Variants in ARHGAP10 observed in about 807,000 individuals in gnomAD.
The protein encoded by ARHGAP10 is rho GTPase-activating protein 10.
Under a neutral mutation model 108.6 loss-of-function variants are expected in ARHGAP10, and 87 were observed. That is an observed-to-expected ratio of 0.80 (90% CI 0.67 to 0.96). The LOEUF is 0.96. ARHGAP10 is among the 40% of genes least tolerant of loss of function. ARHGAP10 has a pLI of 0.00. For missense variants in ARHGAP10, 939 were observed against 954.5 expected (o/e 0.98, Z 0.21); for synonymous variants, 347 against 341.1 (o/e 1.02, Z -0.19).
chr4:147,820,783 GT>G (rs1185788339), intron 1 of ARHGAP10, among the ~76,000 whole-genome samples: 1 of 151,708 alleles, frequency 6.6e-6, no homozygotes, highest in African/African-American at 2.4e-5. Context: ...TAGAGATAGG[GT>G]TTCACCATGT....
intron 18 of ARHGAP10, among the ~76,000 whole-genome samples, chr4:148,019,746 C>G (rs1175038606): frequency 1.3e-5 from 2 of 150,506 alleles, no homozygotes; most frequent in Non-Finnish European, 3.0e-5. Context: ...GCCTGGGTGA[C>G]AGAGTGAGAC....
Position 148,046,146 on chromosome 4 carries a change from C to G in ARHGAP10, c.1868-746C>G, listed in dbSNP as rs192483137. On this transcript the variant is annotated intron_variant, in intron 19 of 22. Transcript: ENST00000336498. ...GAAGACCAATAGAGGGAAATAACTG[C>G]TCTTGTGAGCTCTCTTGTCCGTCTT... is the stretch of plus-strand genomic sequence containing the variant. 7.9e-5 allele frequency among the ~76,000 whole-genome samples: 12 copies of G among 152,322 alleles called. No homozygotes were observed. The East Asian group carries it at 2.1e-3, about 27-fold the overall frequency.
chr4:147,770,361 C>T (rs536748044), intron 1 of ARHGAP10, among the ~76,000 whole-genome samples: 16 of 152,232 alleles, frequency 1.1e-4, no homozygotes, highest in African/African-American at 3.9e-4. Flanking sequence ...CCTGTCTCTA[C>T]TAAAAATGGA....
chr4:147,934,535 C>T (rs557879293), intron 13 of ARHGAP10, among the ~76,000 whole-genome samples: 2 of 152,182 alleles, frequency 1.3e-5, no homozygotes, highest in Admixed American at 6.5e-5. Context: ...AGATTGTGGA[C>T]TTGTTTTAAG....
intron 18 of ARHGAP10, among the ~76,000 whole-genome samples, chr4:147,987,713 C>A (rs1226093346): frequency 6.6e-6 from 1 of 152,196 alleles, no homozygotes; most frequent in African/African-American, 2.4e-5. Flanking sequence ...TGTCTCTGGG[C>A]TTTGGGGCTG....
intron 8 of ARHGAP10, among the ~76,000 whole-genome samples, chr4:147,877,384 G>C (rs1183963291): frequency 6.6e-6 from 1 of 152,036 alleles, no homozygotes; most frequent in Non-Finnish European, 1.5e-5. Flanking sequence ...TAGTGGTCTG[G>C]TAACCCTTTT....
chr4:147,814,362 G>A (rs1227748889), intron 1 of ARHGAP10, among the ~76,000 whole-genome samples: 1 of 152,056 alleles, frequency 6.6e-6, no homozygotes, highest in African/African-American at 2.4e-5. Context: ...GAGAAATGAG[G>A]GAGTTATACA....
At chr4:147,745,732 C>A (rs897237529) in intron 1 of ARHGAP10, among the ~76,000 whole-genome samples, 2 of 151,308 alleles carry the variant, frequency 1.3e-5, no homozygotes, top group African/African-American at 2.4e-5. Flanking sequence ...ACCTCTTGAT[C>A]TGCCCGCCTC....
intron 13 of ARHGAP10, among the ~76,000 whole-genome samples, chr4:147,921,609 A>C (rs1222823113): frequency 6.6e-6 from 1 of 152,218 alleles, no homozygotes; most frequent in East Asian, 1.9e-4. Flanking sequence ...TGTGAGGTTG[A>C]GGGAAGAAAT....
intron 14 of ARHGAP10, among the ~76,000 whole-genome samples, chr4:147,945,714 G>T (rs1490143911): frequency 1.3e-5 from 2 of 152,148 alleles, no homozygotes; most frequent in African/African-American, 2.4e-5. Flanking sequence ...GCCATTCATG[G>T]TGCCACCCTC....
At chr4:147,859,101 G>A (rs1008928032) in intron 5 of ARHGAP10, among the ~76,000 whole-genome samples, 2 of 152,112 alleles carry the variant, frequency 1.3e-5, no homozygotes, top group Non-Finnish European at 2.9e-5. Flanking sequence ...ACTCAGGGCC[G>A]TTGTATTTGT....
intron 14 of ARHGAP10, among the ~76,000 whole-genome samples, chr4:147,941,642 T>C (rs1387336140): frequency 6.6e-6 from 1 of 152,210 alleles, no homozygotes; most frequent in Admixed American, 6.5e-5. Flanking sequence ...ACTGACTTGT[T>C]ACCTCCTCAT....
At chr4:147,888,758 C>T (rs1735674969) in intron 10 of ARHGAP10, among the ~76,000 whole-genome samples, 1 of 152,150 alleles carries the variant, frequency 6.6e-6, no homozygotes, top group Non-Finnish European at 1.5e-5. Context: ...TAATTTCCTG[C>T]CATTTTCCAC....
chr4:147,784,093 C>T (rs1264942134), intron 1 of ARHGAP10, among the ~76,000 whole-genome samples: 2 of 119,126 alleles, frequency 1.7e-5, no homozygotes, highest in Non-Finnish European at 3.2e-5. Flanking sequence ...ATTTACATAA[C>T]ATTAAATTGT....
intron 18 of ARHGAP10, among the ~76,000 whole-genome samples, chr4:148,003,496 A>G (rs1049430967): frequency 6.6e-6 from 1 of 152,098 alleles, no homozygotes; most frequent in Admixed American, 6.5e-5. Flanking sequence ...TGATCTGTCT[A>G]ATGTTGACAG....
At chr4:147,794,655 G>A (rs1731243206) in intron 1 of ARHGAP10, among the ~76,000 whole-genome samples, 1 of 152,114 alleles carries the variant, frequency 6.6e-6, no homozygotes, top group Non-Finnish European at 1.5e-5. Context: ...ATTTTGTTAT[G>A]TTTCATGCTA....
At chr4:147,893,099 C>T (rs1427173195) in intron 10 of ARHGAP10, among the ~76,000 whole-genome samples, 1 of 152,082 alleles carries the variant, frequency 6.6e-6, no homozygotes, top group Non-Finnish European at 1.5e-5. Flanking sequence ...TGCCCTGTCC[C>T]CCAGGCTGGA....
chr4:147,878,359 T>C (rs577154998), intron 8 of ARHGAP10, among the ~76,000 whole-genome samples: 4 of 152,300 alleles, frequency 2.6e-5, no homozygotes, highest in African/African-American at 9.6e-5. Flanking sequence ...CCTCCCAAAG[T>C]GCTAGGATTA....
chr4:147,927,598 G>A (rs1737512221), intron 13 of ARHGAP10, among the ~76,000 whole-genome samples: 1 of 152,186 alleles, frequency 6.6e-6, no homozygotes, highest in Non-Finnish European at 1.5e-5. Context: ...GCCAGAACAA[G>A]GTAGGATAAA....
Sources: gnomAD v4.1 joint callset for allele counts (sites outside exome capture counted in the v4.1 genomes callset) on GRCh38, gnomAD v4.1.1 for gene constraint, MANE v1.5 for transcripts, NCBI Gene and HGNC (gene_info 2026-07-23, HGNC 2026-07-21) for gene names.